Variants in DNAI7 observed in about 807,000 individuals in gnomAD.
DNAI7 encodes the protein cancer susceptibility 1.
DNAI7 carries 78 observed loss-of-function variants against 86.6 expected under a neutral mutation model. The ratio of observed to expected loss-of-function variants is 0.90; its 90% CI spans 0.75 to 1.09. DNAI7 has a LOEUF of 1.09. DNAI7 is among the 50% of genes least tolerant of loss of function. The pLI is 0.00. For missense variants in DNAI7, 753 were observed against 810.2 expected (o/e 0.93, Z 0.86); for synonymous variants, 274 against 273.0 (o/e 1.00, Z -0.04).
chr12:25,132,532 T>C lies in DNAI7; in HGVS notation c.1003-9246A>G, dbSNP rs917884624. Among the ~76,000 whole-genome samples the C allele has an allele frequency of 1.2e-4, 18 of 151,006 alleles. 3 individuals carry two copies. Among genetic ancestry groups the C allele is most frequent in the African/African-American group, 4.5e-4 (18 of 40,306 alleles). ...AATTATTTTAATTTGTGGACTGTTT[T>C]TGCTACTATAAAAAACTTCAATGAA... On this transcript the variant is annotated intron_variant, in intron 9 of 15. Coordinates refer to ENST00000395987, the MANE Select transcript of DNAI7 (RefSeq NM_018272.5).
At chr12:25,188,702 C>T (rs1490955924) in intron 2 of DNAI7, among the ~76,000 whole-genome samples, 1 of 148,122 alleles carries the variant, frequency 6.8e-6, no homozygotes, top group East Asian at 2.0e-4. Context: ...AAAAAGTAAG[C>T]GATTTCTTCT....
intron 2 of DNAI7, among the ~76,000 whole-genome samples, chr12:25,161,559 C>T (rs945187755): frequency 6.6e-6 from 1 of 152,146 alleles, no homozygotes; most frequent in Admixed American, 6.5e-5. Flanking sequence ...TTGAAAACTA[C>T]ACTTATAAAA....
chr12:25,183,222 G>A (rs1047544541), intron 2 of DNAI7, among the ~76,000 whole-genome samples: 4 of 151,884 alleles, frequency 2.6e-5, no homozygotes, highest in Non-Finnish European at 4.4e-5. Context: ...AGACACTGGG[G>A]ACTCTAAAAG....
intron 12 of DNAI7, among the ~76,000 whole-genome samples, chr12:25,118,514 C>T (rs1299802685): frequency 2.6e-5 from 4 of 151,894 alleles, no homozygotes; most frequent in Non-Finnish European, 5.9e-5. Context: ...CCATCTGCCT[C>T]GGCCTCCCAA....
chr12:25,179,864 T>C (rs1273183284), intron 2 of DNAI7, among the ~76,000 whole-genome samples: 2 of 152,048 alleles, frequency 1.3e-5, no homozygotes, highest in Admixed American at 6.6e-5. Context: ...CTGAAAGCAT[T>C]CCCCCTAAGA....
At chr12:25,109,788 C>G (rs531074196) in intron 15 of DNAI7, among the ~76,000 whole-genome samples, 14 of 152,194 alleles carry the variant, frequency 9.2e-5, no homozygotes, top group African/African-American at 3.4e-4. Context: ...AAGCGATTCT[C>G]CTGCCTCAGC....
At chr12:25,166,912 T>G (rs1029997975) in intron 2 of DNAI7, among the ~76,000 whole-genome samples, 3 of 152,178 alleles carry the variant, frequency 2.0e-5, no homozygotes, top group East Asian at 1.9e-4. Context: ...TGCATATACT[T>G]TCTGCTCCCT....
intron 12 of DNAI7, among the ~76,000 whole-genome samples, chr12:25,117,886 T>C (rs1435451153): frequency 1.3e-5 from 2 of 151,862 alleles, no homozygotes; most frequent in Non-Finnish European, 2.9e-5. Flanking sequence ...TTCAGAAGAG[T>C]AGACTTTTTA....
chr12:25,184,611 T>C (rs1458123326), intron 2 of DNAI7, among the ~76,000 whole-genome samples: 1 of 152,268 alleles, frequency 6.6e-6, no homozygotes, highest in African/African-American at 2.4e-5. Context: ...TGTTTTATAC[T>C]GTACAGACAT....
chr12:25,114,956 G>C (rs1482333675), intron 12 of DNAI7, 86 bp from the exon 13 acceptor site: 4 of 999,766 alleles, frequency 4.0e-6, no homozygotes, highest in African/African-American at 3.3e-5. Context: ...AAATTGCTTT[G>C]TGTATAAATT....
Position 25,147,106 on chromosome 12 carries a change from T to C in DNAI7, c.586-2A>G, listed in dbSNP as rs769356567. Reference sequence around the variant, plus strand: ...CAGATCTGCCAAAGTACTAGCTTGCTGTAAGAGAAAAAGAAAACATTATAA... The same window carrying C: ...CAGATCTGCCAAAGTACTAGCTTGCCGTAAGAGAAAAAGAAAACATTATAA... On this transcript the variant is annotated splice_acceptor_variant, in intron 7 of 15. Transcript: ENST00000395987. LOFTEE classifies it high-confidence loss of function. 8 of 1,520,764 alleles carry C rather than the reference T, an allele frequency of 5.3e-6. No individual in the cohort carries two copies. Among genetic ancestry groups the C allele is most frequent in the East Asian group, 2.3e-5 (1 of 44,394 alleles). The allele number at this position is 1,520,764 out of a possible 1,614,324, so 94.2% of individuals were successfully genotyped here. A position where few individuals can be genotyped will look rare whatever the true frequency, so the allele number is the denominator to read the frequency against.
At chr12:25,135,609 C>T (rs1457973742) in intron 9 of DNAI7, among the ~76,000 whole-genome samples, 1 of 152,274 alleles carries the variant, frequency 6.6e-6, no homozygotes. Flanking sequence ...TAGCCTGGGG[C>T]AAGATCTCAG....
intron 4 of DNAI7, among the ~76,000 whole-genome samples, chr12:25,157,868 T>G (rs370056030): frequency 6.6e-6 from 1 of 151,830 alleles, no homozygotes; most frequent in South Asian, 2.1e-4. Context: ...TGTTATCTTG[T>G]CTATACAACA....
Position 25,178,422 on chromosome 12 carries a change from T to C in DNAI7, c.21+12192A>G, listed in dbSNP as rs1301724180. Among the ~76,000 whole-genome samples, 3 of 152,314 alleles carry C rather than the reference T, an allele frequency of 2.0e-5. No individual in the cohort carries two copies. The South Asian group carries it at 6.2e-4, about 32-fold the overall frequency. ...ATAATGTCATTTATTGTTAAAGTCA[T>C]GTCTCCCTTTTCATTCTTAATATTT... On this transcript the variant is annotated intron_variant, in intron 2 of 15. Coordinates refer to ENST00000395987, the MANE Select transcript of DNAI7 (RefSeq NM_018272.5).
chr12:25,192,332 TG>T (rs1950599684), intron 1 of DNAI7, among the ~76,000 whole-genome samples: 1 of 152,192 alleles, frequency 6.6e-6, no homozygotes, highest in Non-Finnish European at 1.5e-5. Context: ...AAATCAGGTT[TG>T]GGGTAAGTAC....
At chr12:25,140,012 T>C (rs561408556) in intron 9 of DNAI7, among the ~76,000 whole-genome samples, 8 of 152,158 alleles carry the variant, frequency 5.3e-5, no homozygotes, top group Non-Finnish European at 7.4e-5. Context: ...TGATTACAAC[T>C]CTCAGCAAAA....
At chr12:25,146,337 C>T (rs1944827664) in intron 8 of DNAI7, among the ~76,000 whole-genome samples, 1 of 151,922 alleles carries the variant, frequency 6.6e-6, no homozygotes, top group African/African-American at 2.4e-5. Context: ...TGGCTCACGC[C>T]TGTAATCCCA....
intron 9 of DNAI7, among the ~76,000 whole-genome samples, chr12:25,130,464 G>A (rs1017032219): frequency 2.0e-5 from 3 of 152,040 alleles, no homozygotes; most frequent in Non-Finnish European, 2.9e-5. Context: ...ATAAACCTGG[G>A]AGGCAGAGCT....
At chr12:25,195,017 C>T (rs1351587960) in intron 1 of DNAI7, 59 bp downstream of exon 1, 2 of 1,614,192 alleles carry the variant, frequency 1.2e-6, no homozygotes, top group Admixed American at 1.7e-5. Context: ...TTATTTAACA[C>T]TGGTGAAGCA....
Sources: allele counts gnomAD v4.1 joint callset (sites outside exome capture counted in the v4.1 genomes callset), GRCh38; gene constraint gnomAD v4.1.1; transcripts MANE v1.5; gene names NCBI Gene and HGNC (gene_info 2026-07-23, HGNC 2026-07-21).